The following ZNF579 variants were observed in gnomAD, a reference collection of about 807,000 sequenced individuals.
ZNF579 encodes the protein zinc finger protein 579.
ZNF579 carries 3 observed loss-of-function variants against 5.7 expected under a neutral mutation model. The ratio of observed to expected loss-of-function variants is 0.53; its 90% CI spans 0.24 to 1.36. The LOEUF (loss-of-function observed/expected upper bound fraction) is 1.36. Ranked by LOEUF, ZNF579 falls within the 40% of genes most tolerant of loss-of-function variation. ZNF579 has a pLI of 0.16. For missense variants in ZNF579, 679 were observed against 877.6 expected, an observed-to-expected ratio of 0.77 and a Z score of 2.86; for synonymous variants, 454 against 409.0, an observed-to-expected ratio of 1.11 and a Z score of -1.33.
chr19:55,578,787 G>A lies in ZNF579; in HGVS notation c.853C>T (p.Leu285=). ...CLKAFARPWS[L]SRHRLVHSTD... ...GAGTGGACCAGCCGGTGGCGCGACA[G>A]GGACCAGGGCCTGGCGAAGGCCTTG... The change falls in exon 2 of 2, where the codon CTG becomes TTG. Residue 285 remains leucine (L), a synonymous_variant. Coordinates refer to ENST00000325421, the MANE Select transcript of ZNF579 (RefSeq NM_152600.3). 1.2e-6 allele frequency: 2 copies of A among 1,602,512 alleles called. No homozygotes were observed. Among genetic ancestry groups the A allele is most frequent in the South Asian group, 1.1e-5 (1 of 89,528 alleles).
At position 55,578,248 on chromosome 19, in the gene ZNF579, G is replaced by T. The variant is rs546959462; in HGVS notation, c.1392C>A (p.Arg464=). 9.2e-4 allele frequency: 1,275 copies of T among 1,392,688 alleles called. 2 individuals are homozygous for T. The highest frequency in any genetic ancestry group is 1.0e-3 in the Non-Finnish European group (1,116 of 1,082,134). 86.3% of individuals were successfully genotyped at this position (1,392,688 alleles called of 1,614,324 possible). Residue 464 remains arginine (R), a synonymous_variant, in exon 2 of 2, where the codon CGC becomes CGA. Coordinates refer to ENST00000325421, the MANE Select transcript of ZNF579 (RefSeq NM_152600.3). Reference sequence around the variant, plus strand: ...GCGCGGCGGCCCTCTCCAGCTCTGCGCGGTGGCAGCGCTGGTGGCGCAGGA... The same window carrying T: ...GCGCGGCGGCCCTCTCCAGCTCTGCTCGGTGGCAGCGCTGGTGGCGCAGGA... ...YSLLRHQRCH[R]AELERAAALQ...
intron 1 of ZNF579, among the ~76,000 whole-genome samples, chr19:55,580,434 C>G (rs1374710162): frequency 6.7e-6 from 1 of 149,960 alleles, no homozygotes; most frequent in African/African-American, 2.5e-5. Flanking sequence ...CTCCTGGGTC[C>G]AGGTCATGAC....
Position 55,578,645 on chromosome 19 carries a change from G to A in ZNF579, c.995C>T (p.Ala332Val), listed in dbSNP as rs746994802. 27 of 1,526,266 alleles carry A rather than the reference G, an allele frequency of 1.8e-5. 1 individual carries two copies. The Admixed American group carries it at 5.1e-4, about 29-fold the overall frequency. 94.5% of individuals were successfully genotyped at this position (1,526,266 alleles called of 1,614,324 possible). The change falls in exon 2 of 2, where the codon GCG becomes GTG. Residue 332 changes from alanine (A) to valine (V), a missense_variant. Ala to Val is a moderately conservative substitution (Grantham distance 64). This residue lies in a region of ZNF579 where 114 missense variants were observed against 98.9 expected (regional missense o/e 1.15). Transcript: ENST00000325421. The stretch of plus-strand genomic sequence containing the variant: ...CGAGGCCTTGTCGTCCTTCTTGCCC[G>A]CCGCGGGCAGCGGGGCCAGCAGGCT... ...PLSLLAPLPA[A>V]GKKDDKASGA...
chr19:55,579,529 A>G lies in ZNF579; in HGVS notation c.111T>C (p.Ala37=), dbSNP rs1008837062. 55 of 1,435,712 alleles carry G rather than the reference A, an allele frequency of 3.8e-5. No individual in the cohort carries two copies. The highest frequency in any genetic ancestry group is 4.8e-5 in the Non-Finnish European group (53 of 1,101,304). 88.9% of individuals were successfully genotyped at this position (1,435,712 alleles called of 1,614,324 possible). Residue 37 remains alanine (A), a synonymous_variant, in exon 2 of 2, where the codon GCT becomes GCC. Coordinates refer to ENST00000325421, the MANE Select transcript of ZNF579 (RefSeq NM_152600.3). The stretch of plus-strand genomic sequence containing the variant: ...AGGGCAGGGGCGCCCTAGGGGCTCC[A>G]GCGCCCCCCCTGCCACGGCCACGGC... ...GRGRGRGRGG[A]GAPRAPLPCP...
Position 55,578,849 on chromosome 19 carries a change from G to A in ZNF579, c.791C>T (p.Pro264Leu), listed in dbSNP as rs1359812886. The change falls in exon 2 of 2, where the codon CCG (proline) becomes CTG (leucine). Residue 264 changes from proline (P) to leucine (L), a missense_variant. This residue lies in a region of ZNF579 where 209 missense variants were observed against 223.4 expected (regional missense o/e 0.94). Coordinates refer to ENST00000325421, the MANE Select transcript of ZNF579 (RefSeq NM_152600.3). ...GCACTGGTGTCGCTTGGGGCGTGGC[G>A]GGGGCCCCCCTTCCCCTTCCTGTTC... ...EGEQEGEGGP[P>L]PRPKRHQCSI... 2 of 1,597,816 alleles carry A rather than the reference G, an allele frequency of 1.3e-6. No individual in the cohort carries two copies. The highest frequency in any genetic ancestry group is 2.3e-5 in the East Asian group (1 of 44,300).
chr19:55,577,942 C>T lies in ZNF579; in HGVS notation c.*9G>A, dbSNP rs1284743438. ...TCAGGCGGAGCGGCGGAGGGCAGGG[C>T]GGCGAAGGTCAGGAGGCCAGGCCCC... On this transcript the variant is annotated 3_prime_UTR_variant, in exon 2 of 2. Coordinates refer to ENST00000325421, the MANE Select transcript of ZNF579 (RefSeq NM_152600.3). The T allele has an allele frequency of 4.4e-6, 7 of 1,578,212 alleles. No individual in the cohort carries two copies. In the African/African-American group the frequency reaches 5.4e-5, roughly 12 times the overall value.
chr19:55,578,151 C>T lies in ZNF579; in HGVS notation c.1489G>A (p.Glu497Lys), dbSNP rs544645026. The T allele has an allele frequency of 2.0e-6, 3 of 1,525,850 alleles. No homozygotes were observed. Among genetic ancestry groups the T allele is most frequent in the African/African-American group, 2.8e-5 (2 of 72,314 alleles). The allele number at this position is 1,525,850 out of a possible 1,614,324, so 94.5% of individuals were successfully genotyped here. Residue 497 changes from glutamate to lysine, a missense_variant, in exon 2 of 2, where the codon GAA becomes AAA. Around this residue, in one of 6 missense-constraint regions of ZNF579, gnomAD observed 116 missense variants for 121.9 expected, o/e 0.95. Transcript: ENST00000325421. Reference sequence around the variant, plus strand: ...GCGAGGGGCAGCGGGAGCCCTTCTTCCTCCTGCTCGGCCTTCAGGGGCGGC... The same window carrying T: ...GCGAGGGGCAGCGGGAGCCCTTCTTTCTCCTGCTCGGCCTTCAGGGGCGGC... ...PPPPLKAEQE[E>K]EGLPLPLANI...
chr19:55,577,686 C>T lies in ZNF579; in HGVS notation c.*265G>A, dbSNP rs929792851. 4 of 509,242 alleles carry T rather than the reference C, an allele frequency of 7.9e-6. No homozygotes were observed. The highest frequency in any genetic ancestry group is 2.5e-5 in the South Asian group (1 of 40,150). 31.5% of individuals were successfully genotyped at this position (509,242 alleles called of 1,614,324 possible). ...CGGGGGCGTCCCCACCAGTCTCCAT[C>T]CCTCTGGCCAACTGTCCGCCGCCTT... On this transcript the variant is annotated 3_prime_UTR_variant, in exon 2 of 2. Transcript: ENST00000325421.
Position 55,577,975 on chromosome 19 carries a change from G to T in ZNF579, c.1665C>A (p.Arg555=), listed in dbSNP as rs1407097142. The change falls in exon 2 of 2, where the codon CGC becomes CGA. Residue 555 remains arginine, a synonymous_variant. Transcript: ENST00000325421. ...GTCAGGAGGCCAGGCCCCCCAGCCC[G>T]CGCAGGTGAGCCTTGCTGTCTACCT... ...EEEVDSKAHL[R]GLGGLAS is the part of the protein sequence containing the mutation. The T allele has an allele frequency of 4.4e-6, 7 of 1,595,960 alleles. No homozygotes were observed. The highest frequency in any genetic ancestry group is 6.0e-6 in the Non-Finnish European group (7 of 1,171,528).
Position 55,578,977 on chromosome 19 carries a change from C to T in ZNF579, c.663G>A (p.Gln221=). 1 of 1,540,638 alleles carries T rather than the reference C, an allele frequency of 6.5e-7. No individual in the cohort carries two copies. Among genetic ancestry groups the T allele is most frequent in the African/African-American group, 1.4e-5 (1 of 72,340 alleles). ...ALAAGRQEEK[Q]VLLQADWTLL... ...GCGTCCAGTCTGCCTGGAGCAGGAC[C>T]TGTTTCTCCTCCTGCCGCCCGGCCG... The change falls in exon 2 of 2, where the codon CAG becomes CAA. Residue 221 remains glutamine (Q), a synonymous_variant. Coordinates refer to ENST00000325421, the MANE Select transcript of ZNF579 (RefSeq NM_152600.3).
chr19:55,577,695 C>G lies in ZNF579; in HGVS notation c.*256G>C. On this transcript the variant is annotated 3_prime_UTR_variant, in exon 2 of 2. Coordinates refer to ENST00000325421, the MANE Select transcript of ZNF579 (RefSeq NM_152600.3). Reference sequence around the variant, plus strand: ...CCCCACCAGTCTCCATCCCTCTGGCCAACTGTCCGCCGCCTTTTTTTCCAA... The same window carrying G: ...CCCCACCAGTCTCCATCCCTCTGGCGAACTGTCCGCCGCCTTTTTTTCCAA... 1.8e-6 allele frequency: 1 copy of G among 559,410 alleles called. No individual in the cohort carries two copies. Among genetic ancestry groups the G allele is most frequent in the Non-Finnish European group, 3.0e-6 (1 of 337,188 alleles). The allele number at this position is 559,410 out of a possible 1,614,324, so 34.7% of individuals were successfully genotyped here. A position where few individuals can be genotyped will look rare whatever the true frequency, so the allele number is the denominator to read the frequency against.
chr19:55,578,912 C>T lies in ZNF579; in HGVS notation c.728G>A (p.Gly243Asp). The T allele has an allele frequency of 6.3e-7, 1 of 1,585,034 alleles. No individual in the cohort carries two copies. The highest frequency in any genetic ancestry group is 8.6e-7 in the Non-Finnish European group (1 of 1,166,770). ...LRCREAFATK[G>D]ELKAHPCLRP... ...CAGACACGGGTGCGCCTTGAGCTCG[C>T]CCTTGGTGGCGAAGGCTTCGCGGCA... Residue 243 changes from glycine to aspartate, a missense_variant, in exon 2 of 2, where the codon GGC becomes GAC. Gly to Asp is a moderately conservative substitution (Grantham distance 94, BLOSUM62 -1). Around this residue, in one of 6 missense-constraint regions of ZNF579, gnomAD observed 209 missense variants for 223.4 expected, o/e 0.94. Coordinates refer to ENST00000325421, the MANE Select transcript of ZNF579 (RefSeq NM_152600.3).
At position 55,578,786 on chromosome 19, in the gene ZNF579, A is replaced by G; in HGVS notation, c.854T>C (p.Leu285Pro). ...CLKAFARPWSLSRHRLVHSTD... is the reference protein window; with the variant it reads ...CLKAFARPWSPSRHRLVHSTD... Reference sequence around the variant, plus strand: ...GGAGTGGACCAGCCGGTGGCGCGACAGGGACCAGGGCCTGGCGAAGGCCTT... The same window carrying G: ...GGAGTGGACCAGCCGGTGGCGCGACGGGGACCAGGGCCTGGCGAAGGCCTT... Residue 285 changes from leucine (L) to proline (P), a missense_variant, in exon 2 of 2, where the codon CTG (leucine) becomes CCG (proline). Leu to Pro is a moderately conservative substitution (Grantham distance 98, BLOSUM62 -3). Coordinates refer to ENST00000325421, the MANE Select transcript of ZNF579 (RefSeq NM_152600.3). 1 of 1,602,178 alleles carries G rather than the reference A, an allele frequency of 6.2e-7. No homozygotes were observed. The highest frequency in any genetic ancestry group is 2.3e-5 in the East Asian group (1 of 43,992).
At position 55,579,653 on chromosome 19, in the gene ZNF579, G is replaced by C; in HGVS notation, c.-2-12C>G. The C allele has an allele frequency of 7.0e-7, 1 of 1,432,512 alleles. No homozygotes were observed. Among genetic ancestry groups the C allele is most frequent in the East Asian group, 2.9e-5 (1 of 34,080 alleles). 88.7% of individuals were successfully genotyped at this position (1,432,512 alleles called of 1,614,324 possible). ...CTGCGGATCCATGCCTGTGGGGAGA[G>C]AGGGGAGAGATGGGAAGCGGGGCAG... is the stretch of plus-strand genomic sequence containing the variant. On this transcript the variant is annotated splice_polypyrimidine_tract_variant and intron_variant, in intron 1 of 1. Transcript: ENST00000325421.
chr19:55,579,302 G>A lies in ZNF579; in HGVS notation c.338C>T (p.Ala113Val). The A allele has an allele frequency of 6.6e-7, 1 of 1,505,224 alleles. No individual in the cohort carries two copies. The highest frequency in any genetic ancestry group is 8.8e-7 in the Non-Finnish European group (1 of 1,130,906). The allele number at this position is 1,505,224 out of a possible 1,614,324, so 93.2% of individuals were successfully genotyped here. A position where few individuals can be genotyped will look rare whatever the true frequency, so the allele number is the denominator to read the frequency against. ...AACPRTFPEPAQLRRHLAQEH... is the reference protein window; with the variant it reads ...AACPRTFPEPVQLRRHLAQEH... ...CTGAGCCAGGTGGCGCCTGAGCTGG[G>A]CCGGTTCTGGGAAGGTGCGGGGGCA... The change falls in exon 2 of 2, where the codon GCC (alanine) becomes GTC (valine). Residue 113 changes from alanine (A) to valine (V), a missense_variant. By Grantham distance (64) the Ala-to-Val change is moderately conservative. Around this residue, in one of 6 missense-constraint regions of ZNF579, gnomAD observed 134 missense variants for 208.9 expected, o/e 0.64. Coordinates refer to ENST00000325421, the MANE Select transcript of ZNF579 (RefSeq NM_152600.3).
Position 55,579,183 on chromosome 19 carries a change from G to A in ZNF579, c.457C>T (p.Pro153Ser). 1 of 1,525,230 alleles carries A rather than the reference G, an allele frequency of 6.6e-7. No homozygotes were observed. The highest frequency in any genetic ancestry group is 1.2e-5 in the South Asian group (1 of 83,584). The allele number at this position is 1,525,230 out of a possible 1,614,324, so 94.5% of individuals were successfully genotyped here. A position where few individuals can be genotyped will look rare whatever the true frequency, so the allele number is the denominator to read the frequency against. ...GCCCCTGCTGCAGCGGTGGTGGGCG[G>A]CTCCGAGCCCTCGTCCTGCGGGCCC... ...SWGPQDEGSEPPTTAAAGATE... is the reference protein window; with the variant it reads ...SWGPQDEGSESPTTAAAGATE... Residue 153 changes from proline (P) to serine (S), a missense_variant, in exon 2 of 2, where the codon CCG becomes TCG. Transcript: ENST00000325421.
rs958194139 is a variant in ZNF579 at position 55,579,574 on chromosome 19, A to C, written c.66T>G (p.Arg22=). The change falls in exon 2 of 2, where the codon CGT becomes CGG. Residue 22 remains arginine (R), a synonymous_variant. Transcript: ENST00000325421. ...CACGGCCCCGACCACGGCCTCGGCC[A>C]CGGCCCCGGCCTCGGCCACGGTGAG... The part of the protein sequence containing the change: ...SPPHRGRGRG[R]GRGRGRGRGR... 1.5e-5 allele frequency: 23 copies of C among 1,490,782 alleles called. No homozygotes were observed. Among genetic ancestry groups the C allele is most frequent in the Non-Finnish European group, 1.9e-5 (21 of 1,126,374 alleles). 92.3% of individuals were successfully genotyped at this position (1,490,782 alleles called of 1,614,324 possible).
Position 55,578,525 on chromosome 19 carries a change from G to A in ZNF579, c.1115C>T (p.Ala372Val), listed in dbSNP as rs1222562476. ...CCCGGCGGGGGGCCGAGCCGGGGCG[G>A]CGTCGCCTCCGTTCTGCCCTTCTCC... Reference protein sequence around the residue: ...EGGEGQNGGDAAPARPPAGEP... With the variant: ...EGGEGQNGGDVAPARPPAGEP... The change falls in exon 2 of 2, where the codon GCC (alanine) becomes GTC (valine). Residue 372 changes from alanine to valine, a missense_variant. This residue lies in a region of ZNF579 where 114 missense variants were observed against 98.9 expected (regional missense o/e 1.15). Coordinates refer to ENST00000325421, the MANE Select transcript of ZNF579 (RefSeq NM_152600.3). 20 of 1,391,702 alleles carry A rather than the reference G, an allele frequency of 1.4e-5. No homozygotes were observed. The highest frequency in any genetic ancestry group is 1.8e-5 in the Non-Finnish European group (20 of 1,089,822). 86.2% of individuals were successfully genotyped at this position (1,391,702 alleles called of 1,614,324 possible).
At position 55,579,323 on chromosome 19, in the gene ZNF579, G is replaced by C. The variant is rs2123528751; in HGVS notation, c.317C>G (p.Pro106Arg). 6.8e-7 allele frequency: 1 copy of C among 1,460,450 alleles called. No individual in the cohort carries two copies. The highest frequency in any genetic ancestry group is 3.0e-5 in the East Asian group (1 of 33,752). The allele number at this position is 1,460,450 out of a possible 1,614,324, so 90.5% of individuals were successfully genotyped here. The stretch of plus-strand genomic sequence containing the variant: ...CTGGGCCGGTTCTGGGAAGGTGCGG[G>C]GGCAGGCGGCGCAGCGCAGCGGGGG... ...PQPPLRCAAC[P>R]RTFPEPAQLR... is the part of the protein sequence containing the mutation. The change falls in exon 2 of 2, where the codon CCC becomes CGC. Residue 106 changes from proline to arginine, a missense_variant. Coordinates refer to ENST00000325421, the MANE Select transcript of ZNF579 (RefSeq NM_152600.3).
Sources: gnomAD v4.1 joint callset for allele counts (sites outside exome capture counted in the v4.1 genomes callset) on GRCh38, gnomAD v4.1.1 for gene constraint, gnomAD v4.1.1 regional missense constraint, MANE v1.5 for transcripts, NCBI Gene and HGNC (gene_info 2026-07-23, HGNC 2026-07-21) for gene names.